Variants in HAPSTR1 observed in about 807,000 individuals in gnomAD.
The protein encoded by HAPSTR1 is HUWE1-associated protein modifying stress responses 1.
chr16:9,093,787 G>A, the HAPSTR1 span, among the ~76,000 whole-genome samples: 4 of 151,914 alleles, frequency 2.6e-5, no homozygotes, highest in Admixed American at 2.6e-4. Flanking sequence ...TCTTGGTAAC[G>A]GTGGGTTTAG....
At chr16:9,103,187 G>A in the HAPSTR1 span, 1 of 1,614,134 alleles carries the variant, frequency 6.2e-7, no homozygotes, top group Non-Finnish European at 8.5e-7. Context: ...CCCTAACCGA[G>A]CTACTTCAAC....
the HAPSTR1 span, chr16:9,118,886 C>G: frequency 6.6e-6 from 1 of 152,590 alleles, no homozygotes; most frequent in East Asian, 1.9e-4. Context: ...CCTCTTTCCA[C>G]GTTGGATAAC....
the HAPSTR1 span, chr16:9,103,210 A>G: frequency 2.5e-6 from 4 of 1,614,218 alleles, no homozygotes; most frequent in Non-Finnish European, 3.4e-6. Context: ...AAACTAGCTC[A>G]TCTGTAGAGA....
At chr16:9,092,892 G>GTTTTTTTTTTTTTTTTTGT in the HAPSTR1 span, 7 of 1,267,482 alleles carry the variant, frequency 5.5e-6, no homozygotes, top group Admixed American at 2.3e-5. Flanking sequence ...TTTCTTTTTG[G>GTTTTTTTTTTTTTTTTTGT]TTTTTTTTTT....
the HAPSTR1 span, chr16:9,102,877 C>T: frequency 8.7e-7 from 1 of 1,151,806 alleles, no homozygotes; most frequent in Non-Finnish European, 1.2e-6. Context: ...GCTCAGAGGC[C>T]ACATCATGGT....
At chr16:9,117,067 A>G in the HAPSTR1 span, 1 of 1,083,528 alleles carries the variant, frequency 9.2e-7, no homozygotes, top group Non-Finnish European at 1.3e-6. Flanking sequence ...AGTTCTAGGT[A>G]TTTATAGTAG....
chr16:9,102,598 A>C, the HAPSTR1 span, among the ~76,000 whole-genome samples: 1 of 152,218 alleles, frequency 6.6e-6, no homozygotes. Flanking sequence ...GTCAGTAGGA[A>C]TGTATCTCCA....
the HAPSTR1 span, chr16:9,104,888 T>C: frequency 6.6e-6 from 1 of 152,252 alleles, no homozygotes; most frequent in African/African-American, 2.4e-5. Context: ...TGTCTCTCCT[T>C]AAGTATTGTG....
At chr16:9,094,646 A>G in the HAPSTR1 span, among the ~76,000 whole-genome samples, 1 of 152,168 alleles carries the variant, frequency 6.6e-6, no homozygotes, top group Admixed American at 6.6e-5. Context: ...TTACTATGAT[A>G]AGGTTCACCC....
the HAPSTR1 span, chr16:9,107,635 A>C: frequency 6.6e-6 from 1 of 152,286 alleles, no homozygotes; most frequent in African/African-American, 2.4e-5. Context: ...CTTATGATCC[A>C]GTCTTAACCA....
chr16:9,113,019 T>G, the HAPSTR1 span: 20 of 143,354 alleles, frequency 1.4e-4, no homozygotes, highest in Non-Finnish European at 2.6e-4. Context: ...TTTTTTTTTG[T>G]TTTTTTTGTT....
At chr16:9,092,016 G>C in the HAPSTR1 span, 1 of 1,478,512 alleles carries the variant, frequency 6.8e-7, no homozygotes, top group Non-Finnish European at 9.0e-7. Context: ...CGGCGGCGGT[G>C]GCGGCGAGGC....
At chr16:9,119,215 A>G in the HAPSTR1 span, 1 of 152,328 alleles carries the variant, frequency 6.6e-6, no homozygotes, top group African/African-American at 2.4e-5. Context: ...GCTCAGCAGT[A>G]GAAGCGTAAT....
At chr16:9,111,823 A>G in the HAPSTR1 span, 5 of 152,328 alleles carry the variant, frequency 3.3e-5, no homozygotes, top group East Asian at 5.8e-4. Flanking sequence ...CTTCAGTTCA[A>G]TGTTTGGTGC....
the HAPSTR1 span, chr16:9,104,607 G>C: frequency 6.6e-6 from 1 of 152,076 alleles, no homozygotes; most frequent in South Asian, 2.1e-4. Flanking sequence ...TTTTTCCCTT[G>C]ATAGTGTTTA....
the HAPSTR1 span, among the ~76,000 whole-genome samples, chr16:9,101,039 G>A: frequency 2.0e-4 from 30 of 152,292 alleles, no homozygotes; most frequent in Admixed American, 2.0e-3. Flanking sequence ...GGTAGGATAG[G>A]TTTAAAAACC....
At chr16:9,096,741 A>G in the HAPSTR1 span, among the ~76,000 whole-genome samples, 1 of 152,156 alleles carries the variant, frequency 6.6e-6, no homozygotes, top group Non-Finnish European at 1.5e-5. Context: ...TAAGCATTAA[A>G]TTTCTATTTA....
At chr16:9,092,746 C>G in the HAPSTR1 span, among the ~76,000 whole-genome samples, 1 of 152,188 alleles carries the variant, frequency 6.6e-6, no homozygotes, top group Non-Finnish European at 1.5e-5. Context: ...CTCCCTGCCC[C>G]CCCGGTCCTC....
the HAPSTR1 span, among the ~76,000 whole-genome samples, chr16:9,094,640 T>G: frequency 6.6e-6 from 1 of 152,186 alleles, no homozygotes; most frequent in Non-Finnish European, 1.5e-5. Flanking sequence ...TTCCAGTTAC[T>G]ATGATAAGGT....
Sources: allele counts gnomAD v4.1 joint callset (sites outside exome capture counted in the v4.1 genomes callset), GRCh38; gene constraint gnomAD v4.1.1; transcripts MANE v1.5; gene names NCBI Gene and HGNC (gene_info 2026-07-23, HGNC 2026-07-21).